GRM4: variants seen among roughly 807,000 people sequenced by gnomAD.
GRM4 encodes the protein glutamate metabotropic receptor 4, also known as metabotropic glutamate receptor 4.
In GRM4, 28 loss-of-function variants were observed where a neutral mutation model predicts 81.7. The ratio of observed to expected loss-of-function variants is 0.34; its 90% CI spans 0.25 to 0.47. The LOEUF is 0.47. GRM4 is among the 20% of genes least tolerant of loss of function. The pLI, the probability that GRM4 is intolerant of heterozygous loss-of-function variation, is 1.00. For missense variants in GRM4, 948 were observed against 1,290.0 expected (o/e 0.73, Z 4.06); for synonymous variants, 488 against 528.8 (o/e 0.92, Z 1.06).
intron 1 of GRM4, among the ~76,000 whole-genome samples, chr6:34,153,009 A>G (rs1216155293): frequency 6.6e-6 from 1 of 152,116 alleles, no homozygotes; most frequent in Non-Finnish European, 1.5e-5. Flanking sequence ...AGCCAGTGCA[A>G]TGATTCCACT....
At chr6:34,038,417 G>A (rs1251524593) in intron 8 of GRM4, among the ~76,000 whole-genome samples, 1 of 152,212 alleles carries the variant, frequency 6.6e-6, no homozygotes, top group Non-Finnish European at 1.5e-5. Flanking sequence ...TCCCTGCTGT[G>A]TCTCCAGCCC....
At chr6:34,116,800 A>G (rs1769617103) in intron 2 of GRM4, among the ~76,000 whole-genome samples, 1 of 152,248 alleles carries the variant, frequency 6.6e-6, no homozygotes, top group African/African-American at 2.4e-5. Flanking sequence ...TAAATGATGA[A>G]TTACCCAAAC....
intron 6 of GRM4, among the ~76,000 whole-genome samples, chr6:34,050,379 A>T (rs1393744588): frequency 3.3e-5 from 5 of 152,166 alleles, no homozygotes; most frequent in African/African-American, 4.8e-5. Flanking sequence ...ATGGGGGCGG[A>T]TTCCTCATGA....
chr6:34,031,941 A>G (rs1378718061), intron 9 of GRM4, among the ~76,000 whole-genome samples: 1 of 151,578 alleles, frequency 6.6e-6, no homozygotes, highest in Non-Finnish European at 1.5e-5. Flanking sequence ...TTTGCATCTG[A>G]CTCAGCTGGG....
intron 10 of GRM4, among the ~76,000 whole-genome samples, chr6:34,023,311 T>C (rs1763980563): frequency 1.3e-5 from 2 of 152,218 alleles, no homozygotes. Context: ...AACCTTAAAA[T>C]ATTATCAAAG....
intron 2 of GRM4, among the ~76,000 whole-genome samples, chr6:34,123,154 A>G (rs144568911): frequency 0.025 from 3,856 of 152,288 alleles, 72 homozygotes; most frequent in African/African-American, 0.057. Flanking sequence ...CCTGGGCCAC[A>G]GGTTGCTTCA....
In GRM4 at chr6:34,080,698, C is replaced by G. The variant is rs2171851; in HGVS notation, c.736+11185G>C. On this transcript the variant is annotated intron_variant, in intron 3 of 10. Transcript: ENST00000538487. The surrounding 1 kb of genome is among the most constrained non-coding windows in gnomAD (Gnocchi z 5.4). ...AGCATGAGGGGAGCCAGCACCAGAGCAGTGGCTGCCAGGGGATTCAGCCCT... is the reference window on the plus strand; with the variant it reads ...AGCATGAGGGGAGCCAGCACCAGAGGAGTGGCTGCCAGGGGATTCAGCCCT... Among the ~76,000 whole-genome samples the G allele has an allele frequency of 0.89, 134,777 of 151,972 alleles. 59,864 individuals are homozygous for G. Among genetic ancestry groups the G allele is most frequent in the African/African-American group, 0.93 (38,405 of 41,464 alleles).
chr6:34,155,222 A>C, exon 1 of GRM4: 1 of 1,535,516 alleles, frequency 6.5e-7, no homozygotes, highest in Non-Finnish European at 8.7e-7. Flanking sequence ...GTGCGCACCC[A>C]CACACACCGG....
intron 6 of GRM4, among the ~76,000 whole-genome samples, chr6:34,044,117 CAG>C (rs1251739351): frequency 3.2e-5 from 4 of 126,716 alleles, no homozygotes; most frequent in Non-Finnish European, 4.8e-5. Context: ...CATATATACA[CAG>C]ACACACACAC....
chr6:34,079,854 C>T (rs936919790), intron 3 of GRM4, among the ~76,000 whole-genome samples: 3 of 152,210 alleles, frequency 2.0e-5, no homozygotes, highest in African/African-American at 7.2e-5. Flanking sequence ...ATTGTCACCT[C>T]TTGCCTGGAC....
chr6:34,124,828 T>A (rs1417963473), intron 2 of GRM4, among the ~76,000 whole-genome samples: 1 of 152,092 alleles, frequency 6.6e-6, no homozygotes, highest in Non-Finnish European at 1.5e-5. Flanking sequence ...CCAGCACTCA[T>A]GAACTTGAGG....
In GRM4 at chr6:34,130,110, C is replaced by A. The variant is rs1770179376; in HGVS notation, c.519+2868G>T. Among the ~76,000 whole-genome samples, 1 of 152,194 alleles carries A rather than the reference C, an allele frequency of 6.6e-6. No individual in the cohort carries two copies. The highest frequency in any genetic ancestry group is 1.9e-4 in the East Asian group (1 of 5,190). ...CACCCTCTCCTTCCCGAGGCTCCTG[C>A]TCCCGACCTCCCTCCCCAAAGTTCA... On this transcript the variant is annotated intron_variant, in intron 2 of 10. Transcript: ENST00000538487. This position sits in a 1 kb window ranked among gnomAD's most constrained non-coding sequence, Gnocchi z 4.1.
rs373592485 is a variant in GRM4 at position 34,028,317 on chromosome 6, G to A, written c.2492C>T (p.Ser831Leu). 6 of 1,612,824 alleles carry A rather than the reference G, an allele frequency of 3.7e-6. No individual in the cohort carries two copies. Among genetic ancestry groups the A allele is most frequent in the African/African-American group, 1.3e-5 (1 of 74,900 alleles). The change falls in exon 10 of 11, where the codon TCG (serine) becomes TTG (leucine). Residue 831 changes from serine to leucine, a missense_variant. Physicochemically the swap from Ser to Leu is moderately radical, Grantham distance 145 (BLOSUM62 -2). Coordinates refer to ENST00000538487, the MANE Select transcript of GRM4 (RefSeq NM_000841.4). ...TLTVSVSLSA[S>L]VSLGMLYMPK... ...CATGTAGAGCATTCCCAGGGACACC[G>A]AGGCGCTCAGACTCACCGAGACCGT...
chr6:34,137,750 ATTTTTTT>A (rs5875495), intron 1 of GRM4, among the ~76,000 whole-genome samples: 4 of 103,724 alleles, frequency 3.9e-5, no homozygotes, highest in African/African-American at 1.0e-4. Flanking sequence ...TGCCCACATA[ATTTTTTT>A]TTTTTTTTTT....
chr6:34,055,460 ACACT>A (rs1765821866), intron 6 of GRM4: 1 of 151,964 alleles, frequency 6.6e-6, no homozygotes, highest in South Asian at 2.1e-4. Flanking sequence ...CACCCTCATC[ACACT>A]CACTTCTCCC....
Position 34,036,106 on chromosome 6 carries a change from T to G in GRM4, c.2004A>C (p.Ala668=). The stretch of plus-strand genomic sequence containing the variant: ...TGCGGTTGGTCTTGGTGAGCAGGGC[T>G]GCATAGCTGATGCTCATCCCTAGTC... The part of the protein sequence containing the change: ...FLGLGMSISY[A]ALLTKTNRIY... Residue 668 remains alanine, a synonymous_variant, in exon 9 of 11, where the codon GCA becomes GCC. Coordinates refer to ENST00000538487, the MANE Select transcript of GRM4 (RefSeq NM_000841.4). The surrounding 1 kb of genome is among the most constrained non-coding windows in gnomAD (Gnocchi z 9.0). 6.2e-7 allele frequency: 1 copy of G among 1,614,184 alleles called. No individual in the cohort carries two copies. The highest frequency in any genetic ancestry group is 8.5e-7 in the Non-Finnish European group (1 of 1,180,026).
intron 6 of GRM4, among the ~76,000 whole-genome samples, chr6:34,043,856 G>A (rs1264979373): frequency 1.3e-5 from 2 of 152,152 alleles, no homozygotes; most frequent in African/African-American, 2.4e-5. Flanking sequence ...GCTAGGCCTC[G>A]GGTGCTGCCC....
chr6:34,026,801 G>T (rs144604713), intron 10 of GRM4, among the ~76,000 whole-genome samples: 1 of 152,152 alleles, frequency 6.6e-6, no homozygotes, highest in African/African-American at 2.4e-5. Context: ...TGTCACCTCC[G>T]GGAGGGGCTA....
At chr6:34,154,994 G>A in intron 1 of GRM4, 6 of 1,152,284 alleles carry the variant, frequency 5.2e-6, no homozygotes, top group Non-Finnish European at 7.0e-6. Flanking sequence ...GCGGGACCCA[G>A]GCCCAGTCTA....
Sources: allele counts gnomAD v4.1 joint callset (sites outside exome capture counted in the v4.1 genomes callset), GRCh38; gene constraint gnomAD v4.1.1; non-coding constraint Gnocchi (gnomAD v3.1); transcripts MANE v1.5; gene names NCBI Gene and HGNC (gene_info 2026-07-23, HGNC 2026-07-21).